Variants in DOCK3 observed in about 807,000 individuals in gnomAD.
DOCK3 encodes dedicator of cytokinesis 3.
In DOCK3, 60 loss-of-function variants were observed where a neutral mutation model predicts 265.6. The observed-to-expected ratio is 0.23, with a 90% CI of 0.18 to 0.28. The LOEUF (loss-of-function observed/expected upper bound fraction) is 0.28. Among genes scored for constraint, DOCK3 ranks in the 10% least tolerant of loss-of-function variants. The pLI, the probability that DOCK3 is intolerant of heterozygous loss-of-function variation, is 1.00. For missense variants in DOCK3, 1,981 were observed against 2,594.3 expected (o/e 0.76, Z 5.14); for synonymous variants, 881 against 938.0 (o/e 0.94, Z 1.11).
intron 7 of DOCK3, among the ~76,000 whole-genome samples, chr3:51,078,972 T>C (rs910434784): frequency 6.6e-6 from 1 of 152,220 alleles, no homozygotes; most frequent in African/African-American, 2.4e-5. Context: ...AAAACAATTA[T>C]AAGAGTCCAC....
chr3:51,004,895 G>A (rs1238512915), intron 5 of DOCK3, among the ~76,000 whole-genome samples: 1 of 146,166 alleles, frequency 6.8e-6, no homozygotes. Context: ...CATCTTTAAC[G>A]TTTCATATTT....
At chr3:51,235,719 A>C (rs1167732168) in intron 19 of DOCK3, among the ~76,000 whole-genome samples, 2 of 152,184 alleles carry the variant, frequency 1.3e-5, no homozygotes, top group African/African-American at 4.8e-5. Context: ...AATATTTATT[A>C]TTCTCTTCCT....
At chr3:50,921,702 C>G (rs921572876) in intron 4 of DOCK3, among the ~76,000 whole-genome samples, 1 of 152,038 alleles carries the variant, frequency 6.6e-6, no homozygotes, top group Non-Finnish European at 1.5e-5. Flanking sequence ...CTGCCTTGGT[C>G]TTTGATGATG....
At chr3:50,730,926 C>T (rs1312620273) in intron 1 of DOCK3, among the ~76,000 whole-genome samples, 1 of 151,774 alleles carries the variant, frequency 6.6e-6, no homozygotes, top group Non-Finnish European at 1.5e-5. Flanking sequence ...GCCAGGAGAT[C>T]GAGACCATCC....
intron 4 of DOCK3, among the ~76,000 whole-genome samples, chr3:50,928,899 TGTTCAACAA>T (rs377501300): frequency 6.6e-4 from 101 of 152,326 alleles, no homozygotes; most frequent in African/African-American, 2.4e-3. Flanking sequence ...GTCAGTACAG[TGTTCAACAA>T]GTTATATGAA....
At chr3:51,095,573 G>A (rs1236447463) in intron 9 of DOCK3, among the ~76,000 whole-genome samples, 1 of 152,010 alleles carries the variant, frequency 6.6e-6, no homozygotes, top group Non-Finnish European at 1.5e-5. Flanking sequence ...CAACTTGATG[G>A]TGGAATTTGC....
intron 3 of DOCK3, among the ~76,000 whole-genome samples, chr3:50,870,664 GTTGT>G (rs1021983875): frequency 1.8e-4 from 27 of 151,908 alleles, no homozygotes; most frequent in African/African-American, 6.3e-4. Flanking sequence ...TTGTTTTCTG[GTTGT>G]TTTGTTGTCT....
At chr3:50,948,246 G>T (rs989256465) in intron 5 of DOCK3, among the ~76,000 whole-genome samples, 2 of 150,928 alleles carry the variant, frequency 1.3e-5, no homozygotes, top group African/African-American at 4.9e-5. Flanking sequence ...TAGTAGAGAC[G>T]GGGTTTCACT....
intron 12 of DOCK3, among the ~76,000 whole-genome samples, chr3:51,170,152 G>C (rs1240268152): frequency 6.6e-6 from 1 of 152,104 alleles, no homozygotes; most frequent in Non-Finnish European, 1.5e-5. Flanking sequence ...TCCAACATCT[G>C]AAAAAATTAA....
chr3:51,236,342 T>C lies in DOCK3; in HGVS notation c.1918-3T>C, dbSNP rs1480361. On this transcript the variant is annotated splice_polypyrimidine_tract_variant and splice_region_variant and intron_variant, in intron 19 of 52. Coordinates refer to ENST00000266037, the MANE Select transcript of DOCK3 (RefSeq NM_004947.5). ...GAGCCCTCTGCTTTTTATGTTGTTTTAGTTTCTGCAGGACATCTTAGATAC... is the reference window on the plus strand; with the variant it reads ...GAGCCCTCTGCTTTTTATGTTGTTTCAGTTTCTGCAGGACATCTTAGATAC... 1,592,316 of 1,612,360 alleles carry C rather than the reference T, an allele frequency of 0.99. 786,301 individuals are homozygous for C. The highest frequency in any genetic ancestry group is 1 in the East Asian group (44,861 of 44,864).
chr3:50,787,957 C>G, intron 2 of DOCK3: 1 of 919,500 alleles, frequency 1.1e-6, no homozygotes, highest in South Asian at 1.3e-5. Flanking sequence ...AGACTTCTTC[C>G]TCTTCTTCCT....
chr3:50,925,278 C>T (rs1227640217), intron 4 of DOCK3, among the ~76,000 whole-genome samples: 2 of 152,092 alleles, frequency 1.3e-5, no homozygotes, highest in African/African-American at 4.8e-5. Flanking sequence ...TTTTGCAGTC[C>T]TGGTTTCCTG....
intron 5 of DOCK3, among the ~76,000 whole-genome samples, chr3:50,948,996 A>G (rs1378728425): frequency 6.6e-6 from 1 of 152,236 alleles, no homozygotes; most frequent in African/African-American, 2.4e-5. Flanking sequence ...AAATGAGGAA[A>G]AGGAAGTCTT....
chr3:50,986,246 C>CA (rs1221280633), intron 5 of DOCK3, among the ~76,000 whole-genome samples: 1 of 151,538 alleles, frequency 6.6e-6, no homozygotes, highest in African/African-American at 2.4e-5. Context: ...ATGAATAAAC[C>CA]AAAAAAAATT....
chr3:51,185,881 C>G (rs769339233), intron 12 of DOCK3, among the ~76,000 whole-genome samples: 1 of 152,078 alleles, frequency 6.6e-6, no homozygotes. Flanking sequence ...TGAGGCCTCC[C>G]CAGCCATGTG....
chr3:51,099,212 G>A (rs1355989509), intron 9 of DOCK3, among the ~76,000 whole-genome samples: 2 of 152,114 alleles, frequency 1.3e-5, no homozygotes, highest in East Asian at 3.8e-4. Flanking sequence ...GCTCTTACTC[G>A]GAAGCATTAA....
chr3:51,197,190 G>A (rs1445743228), intron 12 of DOCK3, among the ~76,000 whole-genome samples: 1 of 152,174 alleles, frequency 6.6e-6, no homozygotes, highest in Non-Finnish European at 1.5e-5. Context: ...TTAAGGCTGT[G>A]GGGAAGTTGT....
intron 5 of DOCK3, among the ~76,000 whole-genome samples, chr3:51,028,499 A>G (rs893136312): frequency 6.6e-6 from 1 of 151,982 alleles, no homozygotes; most frequent in African/African-American, 2.4e-5. Flanking sequence ...TCTGAATTAT[A>G]CCCTCAAATA....
At chr3:50,688,957 G>A (rs1386513059) in intron 1 of DOCK3, among the ~76,000 whole-genome samples, 1 of 152,190 alleles carries the variant, frequency 6.6e-6, no homozygotes, top group East Asian at 1.9e-4. Context: ...CACCATGTGG[G>A]AAAGAGGCAT....
Sources: gnomAD v4.1 joint callset for allele counts (sites outside exome capture counted in the v4.1 genomes callset) on GRCh38, gnomAD v4.1.1 for gene constraint, MANE v1.5 for transcripts, NCBI Gene and HGNC (gene_info 2026-07-23, HGNC 2026-07-21) for gene names.